NCOA1: variants seen among roughly 807,000 people sequenced by gnomAD.
NCOA1 encodes Hin-2 protein.
In NCOA1, 35 loss-of-function variants were observed where a neutral mutation model predicts 150.9. The ratio of observed to expected loss-of-function variants is 0.23; its 90% CI spans 0.18 to 0.31. NCOA1 has a LOEUF of 0.31. NCOA1 is among the 10% of genes least tolerant of loss of function. The probability of loss-of-function intolerance (pLI) is 1.00; values close to 1 mark genes in which losing one functional copy is unlikely to be tolerated. For missense variants in NCOA1, 1,491 were observed against 1,749.3 expected (o/e 0.85, Z 2.63); for synonymous variants, 590 against 630.0 (o/e 0.94, Z 0.95).
chr2:24,663,395 CA>C (rs1351020397), intron 5 of NCOA1, among the ~76,000 whole-genome samples: 2 of 152,078 alleles, frequency 1.3e-5, no homozygotes, highest in African/African-American at 2.4e-5. Context: ...CTGTTTTCTT[CA>C]TTTTCTGACT....
chr2:24,610,105 T>G (rs1404973023), intron 3 of NCOA1, among the ~76,000 whole-genome samples: 2 of 150,884 alleles, frequency 1.3e-5, no homozygotes, highest in African/African-American at 4.9e-5. Context: ...TGCATTTCTT[T>G]GTGACTATAG....
chr2:24,639,929 T>TGC, intron 3 of NCOA1, among the ~76,000 whole-genome samples: 1 of 15,834 alleles, frequency 6.3e-5, no homozygotes, highest in African/African-American at 1.9e-4. Flanking sequence ...TATATATATA[T>TGC]ATATATATAT....
At chr2:24,719,596 C>T (rs1274542592) in intron 14 of NCOA1, among the ~76,000 whole-genome samples, 1 of 152,126 alleles carries the variant, frequency 6.6e-6, no homozygotes, top group Admixed American at 6.5e-5. Flanking sequence ...GATATATTCA[C>T]CTTTTCTAGC....
At chr2:24,578,682 A>T (rs1286095898) in intron 2 of NCOA1, among the ~76,000 whole-genome samples, 1 of 152,142 alleles carries the variant, frequency 6.6e-6, no homozygotes, top group African/African-American at 2.4e-5. Context: ...TGCTTTTGGA[A>T]TTGGAATAAC....
chr2:24,617,654 ATC>A (rs1225978152), intron 3 of NCOA1, among the ~76,000 whole-genome samples: 2 of 152,120 alleles, frequency 1.3e-5, no homozygotes, highest in African/African-American at 4.8e-5. Context: ...TCCCTCAGAC[ATC>A]TGTTATCTCC....
At chr2:24,670,942 A>G (rs1312631482) in intron 6 of NCOA1, among the ~76,000 whole-genome samples, 1 of 152,236 alleles carries the variant, frequency 6.6e-6, no homozygotes, top group African/African-American at 2.4e-5. Flanking sequence ...AGGATGCAGA[A>G]GAGCAAAACC....
chr2:24,765,896 C>CTTTTTTTTTTTTTTTTTTTTTTT (rs773857143), intron 22 of NCOA1, among the ~76,000 whole-genome samples: 5 of 128,036 alleles, frequency 3.9e-5, no homozygotes, highest in African/African-American at 5.8e-5. Flanking sequence ...CAATAATACA[C>CTTTTTTTTTTTTTTTTTTTTTTT]TTTTTTTTTT....
intron 3 of NCOA1, among the ~76,000 whole-genome samples, chr2:24,639,645 T>C (rs112076193): frequency 2.0e-5 from 3 of 151,902 alleles, no homozygotes; most frequent in African/African-American, 7.2e-5. Flanking sequence ...TCCCAGCACT[T>C]TGGGAGGCCG....
chr2:24,713,556 C>G (rs1673866535), intron 14 of NCOA1, among the ~76,000 whole-genome samples: 2 of 152,204 alleles, frequency 1.3e-5, no homozygotes, highest in Non-Finnish European at 2.9e-5. Context: ...AAAAGGACTT[C>G]TACTTTCAAC....
rs1351771279 is a variant in NCOA1, at chr2:24,764,761, G to A, written c.4155+1985G>A. On this transcript the variant is annotated intron_variant, in intron 22 of 22. Coordinates refer to ENST00000348332, the MANE Select transcript of NCOA1 (RefSeq NM_003743.5). ...AGAGTCATCCCTGAAAGGGAACATC[G>A]ATAGAAGTGCTAGTTTAGACTTCAT... Among the ~76,000 whole-genome samples, 10 of 152,192 alleles carry A rather than the reference G, an allele frequency of 6.6e-5. 1 individual carries two copies. Among genetic ancestry groups the A allele is most frequent in the African/African-American group, 2.4e-5 (1 of 41,436 alleles).
intron 3 of NCOA1, among the ~76,000 whole-genome samples, chr2:24,637,957 A>G (rs529552271): frequency 1.3e-5 from 2 of 152,188 alleles, no homozygotes; most frequent in South Asian, 2.1e-4. Context: ...CGGCCTCCCA[A>G]AGTGCTGGGA....
intron 8 of NCOA1, among the ~76,000 whole-genome samples, chr2:24,684,225 G>A (rs971290908): frequency 6.6e-6 from 1 of 152,178 alleles, no homozygotes; most frequent in Non-Finnish European, 1.5e-5. Flanking sequence ...CTGGTGTATG[G>A]ATTGAACTGA....
chr2:24,605,093 CA>C (rs1668303687), intron 3 of NCOA1, among the ~76,000 whole-genome samples: 1 of 152,130 alleles, frequency 6.6e-6, no homozygotes, highest in African/African-American at 2.4e-5. Context: ...CTTACATGTT[CA>C]TGGTGCCCCA....
intron 3 of NCOA1, among the ~76,000 whole-genome samples, chr2:24,611,008 A>T (rs2148384010): frequency 6.6e-6 from 1 of 152,252 alleles, no homozygotes; most frequent in East Asian, 1.9e-4. Context: ...TTACATGGGT[A>T]TATTGTGTGA....
Position 24,693,271 on chromosome 2 carries a change from T to C in NCOA1, c.732T>C (p.Ile244=), listed in dbSNP as rs761624889. 4 of 1,614,060 alleles carry C rather than the reference T, an allele frequency of 2.5e-6. No individual in the cohort carries two copies. The highest frequency in any genetic ancestry group is 3.4e-6 in the Non-Finnish European group (4 of 1,180,016). ...GGGCAGATTTCCAGTCATGTCTGAT[T>C]TGTATTGCACGGCGATTACCTCGGC... ...EDGEDFQSCL[I]CIARRLPRPP... Residue 244 remains isoleucine (I), a synonymous_variant, in exon 10 of 23, where the codon ATT becomes ATC. Transcript: ENST00000348332.
chr2:24,536,792 C>A (rs1572394496), intron 1 of NCOA1, among the ~76,000 whole-genome samples: 1 of 152,162 alleles, frequency 6.6e-6, no homozygotes, highest in Non-Finnish European at 1.5e-5. Flanking sequence ...GGCTGCAGAA[C>A]AGCAGATACT....
intron 1 of NCOA1, among the ~76,000 whole-genome samples, chr2:24,530,194 A>G (rs1664822944): frequency 6.6e-6 from 1 of 152,074 alleles, no homozygotes; most frequent in Non-Finnish European, 1.5e-5. Context: ...AAGATATTCA[A>G]TACAGTGTGG....
In NCOA1 at chr2:24,765,946, G is replaced by A. The variant is rs371286614; in HGVS notation, c.4156-2275G>A. Among the ~76,000 whole-genome samples, 94 of 136,988 alleles carry A rather than the reference G, an allele frequency of 6.9e-4. 1 individual carries two copies. The highest frequency in any genetic ancestry group is 2.3e-3 in the African/African-American group (83 of 36,156). The allele number at this position is 136,988 out of a possible 152,430, so 89.9% of individuals were successfully genotyped here. ...GGAGTCTTGCTTTGTCGTTGCCCACGCTGGAATGCAGTGGTGCAATCTCAG... is the reference window on the plus strand; with the variant it reads ...GGAGTCTTGCTTTGTCGTTGCCCACACTGGAATGCAGTGGTGCAATCTCAG... On this transcript the variant is annotated intron_variant, in intron 22 of 22. Transcript: ENST00000348332.
intron 3 of NCOA1, among the ~76,000 whole-genome samples, chr2:24,608,264 T>C (rs1245141774): frequency 2.1e-5 from 3 of 141,174 alleles, no homozygotes; most frequent in Admixed American, 2.1e-4. Context: ...ATTATTATTA[T>C]TATTATTATT....
Sources: gnomAD v4.1 joint callset for allele counts (sites outside exome capture counted in the v4.1 genomes callset) on GRCh38, gnomAD v4.1.1 for gene constraint, MANE v1.5 for transcripts, NCBI Gene and HGNC (gene_info 2026-07-23, HGNC 2026-07-21) for gene names.